DNAH7: variants seen among roughly 807,000 people sequenced by gnomAD.
The protein encoded by DNAH7 is axonemal beta dynein heavy chain 7.
Under a neutral mutation model 444.6 loss-of-function variants are expected in DNAH7, and 397 were observed. The ratio of observed to expected loss-of-function variants is 0.89; its 90% CI spans 0.82 to 0.97. The LOEUF (loss-of-function observed/expected upper bound fraction) is 0.97, where lower values mean the gene tolerates loss of function less well. Among genes scored for constraint, DNAH7 ranks in the 50% least tolerant of loss-of-function variants. The pLI, the probability that DNAH7 is intolerant of heterozygous loss-of-function variation, is 0.00. For missense variants in DNAH7, 4,902 were observed against 4,800.8 expected, an observed-to-expected ratio of 1.02 and a Z score of -0.62; for synonymous variants, 1,636 against 1,624.4, an observed-to-expected ratio of 1.01 and a Z score of -0.17.
chr2:196,030,611 T>C (rs1259989232), intron 5 of DNAH7, among the ~76,000 whole-genome samples: 2 of 152,200 alleles, frequency 1.3e-5, no homozygotes, highest in East Asian at 3.9e-4. Context: ...TTCCTAGATA[T>C]AATGGGGGTA....
At chr2:195,771,035 C>A (rs555732928) in intron 61 of DNAH7, among the ~76,000 whole-genome samples, 1 of 152,104 alleles carries the variant, frequency 6.6e-6, no homozygotes, top group South Asian at 2.1e-4. Flanking sequence ...AAAATGTGAG[C>A]CTGGGCCAGG....
At chr2:196,024,621 T>C (rs1360782784) in intron 7 of DNAH7, 117 bp from the exon 8 acceptor site, 5 of 542,362 alleles carry the variant, frequency 9.2e-6, no homozygotes, top group Non-Finnish European at 1.5e-5. Context: ...TAAAGTTGTT[T>C]AATAATGAGA....
Position 195,794,391 on chromosome 2 carries a change from A to G in DNAH7, c.10663T>C (p.Tyr3555His). The G allele has an allele frequency of 6.2e-7, 1 of 1,614,156 alleles. No homozygotes were observed. The highest frequency in any genetic ancestry group is 8.5e-7 in the Non-Finnish European group (1 of 1,180,008). Residue 3555 changes from tyrosine to histidine, a missense_variant, in exon 57 of 65, where the codon TAC becomes CAC. Coordinates refer to ENST00000312428, the MANE Select transcript of DNAH7 (RefSeq NM_018897.3). ...KGLRANIIRS[Y>H]LMDPISDPEF... Reference sequence around the variant, plus strand: ...GGATCAGAGATCGGGTCCATGAGGTATGATCGAATGATATTAGCCCGTAAA... The same window carrying G: ...GGATCAGAGATCGGGTCCATGAGGTGTGATCGAATGATATTAGCCCGTAAA...
intron 63 of DNAH7, among the ~76,000 whole-genome samples, chr2:195,743,338 C>T (rs904194572): frequency 1.3e-5 from 2 of 152,194 alleles, no homozygotes; most frequent in Non-Finnish European, 2.9e-5. Context: ...GTCAATTCTC[C>T]TTAATAAACT....
chr2:196,003,931 G>A (rs564190705), intron 10 of DNAH7, among the ~76,000 whole-genome samples: 2 of 152,268 alleles, frequency 1.3e-5, no homozygotes, highest in South Asian at 2.1e-4. Context: ...TTGGTTAAAA[G>A]GGGGAACAAA....
At chr2:195,999,235 T>C (rs1336510280) in intron 12 of DNAH7, 3 of 717,182 alleles carry the variant, frequency 4.2e-6, no homozygotes, top group Non-Finnish European at 7.8e-6. Flanking sequence ...TGGTTTTGCT[T>C]TGTTTCTCTG....
intron 27 of DNAH7, chr2:195,902,267 C>T (rs1180224294): frequency 6.6e-6 from 1 of 151,962 alleles, no homozygotes; most frequent in Non-Finnish European, 1.5e-5. Context: ...CATAGTGCTG[C>T]TATTTTATCA....
At position 195,872,264 on chromosome 2, in the gene DNAH7, G is replaced by A; in HGVS notation, c.6619C>T (p.Leu2207Phe). 6.2e-7 allele frequency: 1 copy of A among 1,612,196 alleles called. No homozygotes were observed. Among genetic ancestry groups the A allele is most frequent in the Admixed American group, 1.7e-5 (1 of 59,924 alleles). The part of the protein sequence containing the change: ...TTETTEVIKR[L>F]WVHEVLRVYY... The stretch of plus-strand genomic sequence containing the variant: ...GGAAAATTTACCTCATGAACCCAAA[G>A]ACGTTTAATCACTTCTGTGGTTTCT... The change falls in exon 40 of 65, where the codon CTT becomes TTT. Residue 2207 changes from leucine (L) to phenylalanine (F), a missense_variant. Coordinates refer to ENST00000312428, the MANE Select transcript of DNAH7 (RefSeq NM_018897.3).
At chr2:196,051,922 ATCATTTAACTTGT>A (rs761438136) in intron 2 of DNAH7, among the ~76,000 whole-genome samples, 24 of 152,144 alleles carry the variant, frequency 1.6e-4, no homozygotes, top group Admixed American at 3.9e-4. Context: ...TTAAACCCTA[ATCATTTAACTTGT>A]TCTCCAGACA....
intron 48 of DNAH7, among the ~76,000 whole-genome samples, chr2:195,826,739 A>T (rs181595115): frequency 1.4e-3 from 208 of 152,298 alleles, no homozygotes; most frequent in Non-Finnish European, 2.1e-3. Context: ...AGAAAACCCA[A>T]AATAATAGCA....
At chr2:195,777,749 A>G (rs377417908) in intron 59 of DNAH7, 51 bp downstream of exon 59, 85 of 1,543,792 alleles carry the variant, frequency 5.5e-5, no homozygotes, top group Non-Finnish European at 7.4e-5. Context: ...CATCACTACC[A>G]AAATAATTTC....
At chr2:196,026,995 C>A in intron 6 of DNAH7, 55 bp from the exon 7 acceptor site, 4 of 1,372,428 alleles carry the variant, frequency 2.9e-6, no homozygotes, top group African/African-American at 1.5e-5. Flanking sequence ...GTATGTTTAT[C>A]AAAAATAAAA....
At position 195,960,658 on chromosome 2, in the gene DNAH7, C is replaced by T. The variant is rs1691030104; in HGVS notation, c.2493G>A (p.Val831=). The T allele has an allele frequency of 1.2e-6, 2 of 1,614,088 alleles. No individual in the cohort carries two copies. The highest frequency in any genetic ancestry group is 1.7e-5 in the Admixed American group (1 of 60,006). ...GAGGAATGTGCTGCTTGAAATCTTC[C>T]ACCTTTGATCTTACTTTTTTTGTCA... ...LAMTKKVRSK[V]EDFKQHIPLI... Residue 831 remains valine, a synonymous_variant, in exon 18 of 65, where the codon GTG becomes GTA. Coordinates refer to ENST00000312428, the MANE Select transcript of DNAH7 (RefSeq NM_018897.3).
intron 6 of DNAH7, among the ~76,000 whole-genome samples, chr2:196,027,609 A>T (rs1415017307): frequency 1.3e-5 from 2 of 152,066 alleles, no homozygotes; most frequent in East Asian, 3.8e-4. Flanking sequence ...TACTTGAAGA[A>T]TTACTATTCC....
intron 15 of DNAH7, among the ~76,000 whole-genome samples, chr2:195,977,811 A>G (rs1029283473): frequency 6.6e-6 from 1 of 152,170 alleles, no homozygotes; most frequent in Non-Finnish European, 1.5e-5. Context: ...TTCAGTGAGA[A>G]CCTTACCACC....
At chr2:195,922,063 T>C (rs368155309) in intron 24 of DNAH7, 25 bp downstream of exon 24, 10 of 1,363,842 alleles carry the variant, frequency 7.3e-6, no homozygotes, top group African/African-American at 2.9e-5. Context: ...TTATTTCCAA[T>C]AGATCCTTAA....
intron 46 of DNAH7, among the ~76,000 whole-genome samples, chr2:195,847,128 A>G (rs1417397932): frequency 6.8e-6 from 1 of 147,502 alleles, no homozygotes; most frequent in Admixed American, 6.8e-5. Context: ...GGATATATAT[A>G]TATCTTATAT....
At chr2:195,952,527 A>T (rs1559264863) in intron 19 of DNAH7, among the ~76,000 whole-genome samples, 2 of 152,148 alleles carry the variant, frequency 1.3e-5, no homozygotes, top group Non-Finnish European at 2.9e-5. Flanking sequence ...AGTGTTTTCC[A>T]GCTTGGTTCC....
intron 3 of DNAH7, 35 bp from the exon 4 acceptor site, chr2:196,048,439 A>G (rs1697266491): frequency 1.3e-6 from 2 of 1,582,718 alleles, no homozygotes; most frequent in South Asian, 1.1e-5. Context: ...TTAACAAACA[A>G]TATCAGAAAA....
Sources: allele counts gnomAD v4.1 joint callset (sites outside exome capture counted in the v4.1 genomes callset), GRCh38; gene constraint gnomAD v4.1.1; transcripts MANE v1.5; gene names NCBI Gene and HGNC (gene_info 2026-07-23, HGNC 2026-07-21).